Variants in NDUFA12 observed in about 807,000 individuals in gnomAD.
NDUFA12 encodes the protein NADH dehydrogenase [ubiquinone] 1 alpha subcomplex subunit 12.
In NDUFA12, 17 loss-of-function variants were observed where a neutral mutation model predicts 20.3. The ratio of observed to expected loss-of-function variants is 0.84; its 90% CI spans 0.57 to 1.26. The LOEUF is 1.26. NDUFA12 is among the 50% of genes most tolerant of loss of function. The probability of loss-of-function intolerance (pLI) is 0.00; values close to 1 mark genes in which losing one functional copy is unlikely to be tolerated. For synonymous variants in NDUFA12, 72 were observed against 63.6 expected (o/e 1.13, Z -0.63); for missense variants, 191 against 183.7 (o/e 1.04, Z -0.23).
In NDUFA12 at chr12:95,002,752, G is replaced by A. The variant is rs374013268; in HGVS notation, c.156C>T (p.Asn52=). Residue 52 remains asparagine (N), a synonymous_variant, in exon 2 of 4, where the codon AAC becomes AAT. Coordinates refer to ENST00000327772, the MANE Select transcript of NDUFA12 (RefSeq NM_018838.5). ...TACTGCACTCACCAAAAAATTGCTT[G>A]TTGTCTTCATAGTATTTGTTTCCAT... ...DKYGNKYYED[N]KQFFGRHRWV... 3 of 1,613,536 alleles carry A rather than the reference G, an allele frequency of 1.9e-6. No individual in the cohort carries two copies. In the East Asian group the frequency reaches 6.7e-5, roughly 36 times the overall value.
intron 2 of NDUFA12, among the ~76,000 whole-genome samples, chr12:94,996,358 C>CACACACAT (rs779235801): frequency 5.0e-5 from 7 of 141,130 alleles, no homozygotes; most frequent in Non-Finnish European, 7.7e-5. Flanking sequence ...CACACACACA[C>CACACACAT]GAGATGGGGG....
intron 3 of NDUFA12, among the ~76,000 whole-genome samples, chr12:94,976,994 T>C (rs572307865): frequency 3.3e-5 from 5 of 152,326 alleles, no homozygotes; most frequent in South Asian, 4.1e-4. Flanking sequence ...AATGAACACA[T>C]TTTAACAGAG....
chr12:94,973,640 G>A (rs1211013287), intron 3 of NDUFA12, among the ~76,000 whole-genome samples: 3 of 152,174 alleles, frequency 2.0e-5, no homozygotes, highest in African/African-American at 7.2e-5. Context: ...CCAAGCTTAT[G>A]CCTATTCAGT....
intron 2 of NDUFA12, among the ~76,000 whole-genome samples, chr12:94,995,024 G>C (rs905804619): frequency 2.6e-5 from 4 of 152,110 alleles, no homozygotes; most frequent in Admixed American, 6.5e-5. Flanking sequence ...CATTCACCTA[G>C]TTCAGCATCA....
At position 95,003,642 on chromosome 12, in the gene NDUFA12, C is replaced by A. The variant is rs755066073; in HGVS notation, c.39G>T (p.Gln13His). ...CTCGGAGACCGCCGTGGCCGGTGAT[C>A]TGCTGCAGCCCGCGTTTCAGGACCT... ...LVQVLKRGLQ[Q>H]ITGHGGLRGY... is the part of the protein sequence containing the mutation. Residue 13 changes from glutamine (Q) to histidine (H), a missense_variant, in exon 1 of 4, where the codon CAG (glutamine) becomes CAT (histidine). Transcript: ENST00000327772. 51 of 1,614,196 alleles carry A rather than the reference C, an allele frequency of 3.2e-5. No individual in the cohort carries two copies. The highest frequency in any genetic ancestry group is 4.3e-5 in the Non-Finnish European group (51 of 1,180,040).
chr12:94,987,759 T>A (rs1874495891), intron 3 of NDUFA12, among the ~76,000 whole-genome samples: 1 of 122,708 alleles, frequency 8.1e-6, no homozygotes, highest in Non-Finnish European at 1.6e-5. Context: ...ACCACTGCAC[T>A]CCAGCCTGGG....
chr12:94,979,665 T>C (rs1874173979), intron 3 of NDUFA12, among the ~76,000 whole-genome samples: 1 of 129,408 alleles, frequency 7.7e-6, no homozygotes, highest in Non-Finnish European at 1.7e-5. Flanking sequence ...ACCCCACCCC[T>C]ATAAAAAAAA....
At chr12:94,973,394 G>T (rs1341001789) in intron 3 of NDUFA12, among the ~76,000 whole-genome samples, 1 of 152,188 alleles carries the variant, frequency 6.6e-6, no homozygotes, top group Non-Finnish European at 1.5e-5. Flanking sequence ...GAGCACACGA[G>T]CGCTGAAGCC....
At chr12:94,993,995 G>C (rs1225447406) in intron 3 of NDUFA12, among the ~76,000 whole-genome samples, 175 bp downstream of exon 3, 2 of 151,848 alleles carry the variant, frequency 1.3e-5, no homozygotes, top group Non-Finnish European at 2.9e-5. Context: ...GAGATGGCAT[G>C]GGCCTGTAGT....
At chr12:94,997,475 C>T (rs1002001012) in intron 2 of NDUFA12, 7 of 152,166 alleles carry the variant, frequency 4.6e-5, no homozygotes, top group African/African-American at 1.4e-4. Context: ...CATTGTTCCC[C>T]TGGATGAAGA....
chr12:94,976,816 A>G (rs757168806), intron 3 of NDUFA12, among the ~76,000 whole-genome samples: 1 of 152,192 alleles, frequency 6.6e-6, no homozygotes, highest in Non-Finnish European at 1.5e-5. Flanking sequence ...TTCCTCATTC[A>G]CCAAGAGTAA....
intron 2 of NDUFA12, chr12:94,994,492 G>A (rs1874754186): frequency 2.0e-6 from 1 of 510,564 alleles, no homozygotes; most frequent in Non-Finnish European, 3.5e-6. Flanking sequence ...GCTGTGGGTG[G>A]GGCTCAGGCC....
At chr12:94,972,508 T>C (rs1007099902) in intron 3 of NDUFA12, 6 of 448,516 alleles carry the variant, frequency 1.3e-5, no homozygotes, top group African/African-American at 1.2e-4. Flanking sequence ...AAGAGCCTGA[T>C]GCATTGTAAA....
chr12:94,977,163 A>C (rs1218204143), intron 3 of NDUFA12, among the ~76,000 whole-genome samples: 1 of 152,236 alleles, frequency 6.6e-6, no homozygotes, highest in Non-Finnish European at 1.5e-5. Flanking sequence ...ATTATCTGCC[A>C]TTGACAGCTA....
intron 3 of NDUFA12, among the ~76,000 whole-genome samples, chr12:94,977,530 A>C (rs1241631523): frequency 6.6e-6 from 1 of 151,922 alleles, no homozygotes; most frequent in Non-Finnish European, 1.5e-5. Flanking sequence ...GTAACAAATG[A>C]TTCAGTGGGT....
rs552002831 is a variant in NDUFA12, at chr12:94,983,886, G to A, written c.257+10284C>T. On this transcript the variant is annotated intron_variant, in intron 3 of 3. Transcript: ENST00000327772. Reference sequence around the variant, plus strand: ...AGTGCAAAAGTCATTAAGTGGGCCCGAGGAATGTAGCACTTGGTATGTGAG... The same window carrying A: ...AGTGCAAAAGTCATTAAGTGGGCCCAAGGAATGTAGCACTTGGTATGTGAG... 2.2e-4 allele frequency among the ~76,000 whole-genome samples: 8 copies of A among 36,356 alleles called. No homozygotes were observed. In the South Asian group the frequency reaches 3.5e-3, roughly 16 times the overall value. The allele number at this position is 36,356 out of a possible 152,430, so 23.9% of individuals were successfully genotyped here. A position where few individuals can be genotyped will look rare whatever the true frequency, so the allele number is the denominator to read the frequency against.
chr12:94,987,263 A>C (rs1030360275), intron 3 of NDUFA12, among the ~76,000 whole-genome samples: 1 of 152,192 alleles, frequency 6.6e-6, no homozygotes, highest in South Asian at 2.1e-4. Flanking sequence ...GACCTTCAAC[A>C]ATATAACTGT....
rs149020862 is a variant in NDUFA12, at chr12:94,984,550, CA to C, written c.257+9619del. Among the ~76,000 whole-genome samples the C allele has an allele frequency of 1.1e-4, 16 of 149,838 alleles. 1 individual carries two copies. The highest frequency in any genetic ancestry group is 2.1e-4 in the Non-Finnish European group (14 of 67,386). ...CGTCTCCAAAGAAACAAAAAAGCAA[CA>C]AAAAAAAGCAAACAAACACAGGGCT... is the stretch of plus-strand genomic sequence containing the variant. On this transcript the variant is annotated intron_variant, in intron 3 of 3. Transcript: ENST00000327772.
At chr12:94,977,075 T>G (rs1592698244) in intron 3 of NDUFA12, among the ~76,000 whole-genome samples, 1 of 152,346 alleles carries the variant, frequency 6.6e-6, no homozygotes, top group East Asian at 1.9e-4. Context: ...TTGTAGTTTC[T>G]TAGAACACAG....
Sources: allele counts gnomAD v4.1 joint callset (sites outside exome capture counted in the v4.1 genomes callset), GRCh38; gene constraint gnomAD v4.1.1; transcripts MANE v1.5; gene names NCBI Gene and HGNC (gene_info 2026-07-23, HGNC 2026-07-21).